The following VIPR2 variants were observed in gnomAD, a reference collection of about 807,000 sequenced individuals.
VIPR2 encodes vasoactive intestinal polypeptide receptor 2.
A neutral mutation model predicts 58.0 loss-of-function variants in VIPR2; 48 were observed. The observed-to-expected ratio is 0.83, with a 90% CI of 0.66 to 1.05. The LOEUF is 1.05. VIPR2 is among the 50% of genes least tolerant of loss of function. The pLI is 0.00. For synonymous variants in VIPR2, 243 were observed against 235.2 expected, an observed-to-expected ratio of 1.03 and a Z score of -0.30; for missense variants, 534 against 558.0, an observed-to-expected ratio of 0.96 and a Z score of 0.43.
intron 4 of VIPR2, among the ~76,000 whole-genome samples, chr7:159,063,304 C>A (rs567471021): frequency 6.6e-6 from 1 of 152,100 alleles, no homozygotes; most frequent in East Asian, 1.9e-4. Flanking sequence ...GCTGAGGCCC[C>A]GCGAGAATTC....
At chr7:159,063,212 C>A (rs187964173) in intron 4 of VIPR2, among the ~76,000 whole-genome samples, 2 of 152,050 alleles carry the variant, frequency 1.3e-5, no homozygotes, top group African/African-American at 4.8e-5. Context: ...GGAGGCTAGA[C>A]GGTGCAGGAG....
intron 4 of VIPR2, among the ~76,000 whole-genome samples, chr7:159,077,225 G>T (rs576313346): frequency 6.6e-6 from 1 of 152,220 alleles, no homozygotes; most frequent in South Asian, 2.1e-4. Context: ...GTTGTGTTCT[G>T]GTAGAAAACT....
intron 5 of VIPR2, among the ~76,000 whole-genome samples, chr7:159,050,890 A>T (rs1374152988): frequency 6.6e-6 from 1 of 152,252 alleles, no homozygotes; most frequent in Non-Finnish European, 1.5e-5. Context: ...GAAAAAAGAC[A>T]CACTGCCTCA....
chr7:159,062,070 G>T (rs182907763), intron 4 of VIPR2, among the ~76,000 whole-genome samples: 1 of 152,214 alleles, frequency 6.6e-6, no homozygotes, highest in Non-Finnish European at 1.5e-5. Context: ...GTCTTCAGGC[G>T]GCGGTGTGGC....
intron 2 of VIPR2, among the ~76,000 whole-genome samples, chr7:159,111,677 C>T (rs1357011090): frequency 3.2e-5 from 4 of 124,496 alleles, no homozygotes; most frequent in African/African-American, 8.2e-5. Flanking sequence ...AAGATTCCGT[C>T]TCAAAAAAAA....
At chr7:159,109,379 G>A (rs886762897) in intron 3 of VIPR2, among the ~76,000 whole-genome samples, 1 of 152,148 alleles carries the variant, frequency 6.6e-6, no homozygotes, top group African/African-American at 2.4e-5. Context: ...GATAAACTAG[G>A]TGTGTCCTGG....
Position 159,109,803 on chromosome 7 carries a change from G to A in VIPR2, c.259+9C>T, listed in dbSNP as rs781287282. The A allele has an allele frequency of 5.0e-6, 8 of 1,613,710 alleles. No individual in the cohort carries two copies. Among genetic ancestry groups the A allele is most frequent in the African/African-American group, 1.3e-5 (1 of 75,042 alleles). ...GGAGGAGCTCAGGAACTCAACCGACGGACAGTACCTGCTTTGCTGTAAAAA... is the reference window on the plus strand; with the variant it reads ...GGAGGAGCTCAGGAACTCAACCGACAGACAGTACCTGCTTTGCTGTAAAAA... On this transcript the variant is annotated intron_variant, in intron 3 of 12. Coordinates refer to ENST00000262178, the MANE Select transcript of VIPR2 (RefSeq NM_003382.5).
chr7:159,119,190 G>C (rs948708385), intron 2 of VIPR2, among the ~76,000 whole-genome samples: 15 of 152,196 alleles, frequency 9.9e-5, no homozygotes, highest in Non-Finnish European at 1.9e-4. Context: ...AGCTCCCCGG[G>C]TGGACACAGG....
rs373841775 is a variant in VIPR2 at position 159,093,804 on chromosome 7, C to T, written c.357+9953G>A. ...CCCTGGGTCCGGACAGGGGAGAGGC[C>T]CTGCAGCGTCCCTGGGTCCGGACAT... On this transcript the variant is annotated intron_variant, in intron 4 of 12. Transcript: ENST00000262178. This position sits in a 1 kb window ranked among gnomAD's most constrained non-coding sequence, Gnocchi z 6.7. Among the ~76,000 whole-genome samples, 2 of 150,748 alleles carry T rather than the reference C, an allele frequency of 1.3e-5. No individual in the cohort carries two copies. The highest frequency in any genetic ancestry group is 5.0e-5 in the African/African-American group (2 of 40,256).
intron 2 of VIPR2, among the ~76,000 whole-genome samples, chr7:159,130,122 G>C (rs1014566427): frequency 1.3e-5 from 2 of 152,220 alleles, no homozygotes; most frequent in Non-Finnish European, 2.9e-5. Flanking sequence ...ATAACAGTGA[G>C]AAAATGATGG....
chr7:159,125,558 C>T (rs1241214378), intron 2 of VIPR2, among the ~76,000 whole-genome samples: 3 of 152,200 alleles, frequency 2.0e-5, no homozygotes, highest in African/African-American at 4.8e-5. Flanking sequence ...CTTAGTTCAC[C>T]AGAAAATTCT....
chr7:159,086,823 AATAAACATG>A (rs1857201641), intron 4 of VIPR2, among the ~76,000 whole-genome samples: 1 of 152,250 alleles, frequency 6.6e-6, no homozygotes. Flanking sequence ...ATACCCATGT[AATAAACATG>A]GAAGTGACAC....
At chr7:159,123,032 C>T (rs1018936294) in intron 2 of VIPR2, among the ~76,000 whole-genome samples, 4 of 152,108 alleles carry the variant, frequency 2.6e-5, no homozygotes, top group Non-Finnish European at 5.9e-5. Flanking sequence ...CAGTAGCTCA[C>T]GCTTGCAATC....
At chr7:159,100,027 A>T (rs1858111881) in intron 4 of VIPR2, among the ~76,000 whole-genome samples, 1 of 152,028 alleles carries the variant, frequency 6.6e-6, no homozygotes, top group Non-Finnish European at 1.5e-5. Flanking sequence ...CACTCAACTC[A>T]GTCTTCTCTC....
chr7:159,138,319 A>G (rs1797313126), intron 2 of VIPR2, among the ~76,000 whole-genome samples: 1 of 152,238 alleles, frequency 6.6e-6, no homozygotes, highest in African/African-American at 2.4e-5. Context: ...GTGATTAACC[A>G]TATCCCACAT....
chr7:159,129,344 C>A (rs540765676), intron 2 of VIPR2, among the ~76,000 whole-genome samples: 3 of 141,806 alleles, frequency 2.1e-5, no homozygotes, highest in Admixed American at 6.8e-5. Context: ...CTGGTGGGGA[C>A]AGGGCCAGGT....
chr7:159,102,836 G>C (rs979546150), intron 4 of VIPR2, among the ~76,000 whole-genome samples: 2 of 152,086 alleles, frequency 1.3e-5, no homozygotes, highest in Non-Finnish European at 2.9e-5. Flanking sequence ...ACTTCCCAGG[G>C]CTCCTTAGAG....
At position 159,103,769 on chromosome 7, in the gene VIPR2, C is replaced by G. The variant is rs1858445885; in HGVS notation, c.345G>C (p.Glu115Asp). Residue 115 changes from glutamate to aspartate, a missense_variant, in exon 4 of 13, where the codon GAG (glutamate) becomes GAC (aspartate). This residue lies in a region of VIPR2 where 224 missense variants were observed against 255.7 expected (regional missense o/e 0.88). Transcript: ENST00000262178. ...CGCAGGAGCCTACCTTGCTCTCATC[C>G]TCCGGGTCGCTGTAGCCACAGGCAT... ...FVDACGYSDP[E>D]DESKITFYIL... The G allele has an allele frequency of 6.2e-7, 1 of 1,614,002 alleles. No homozygotes were observed. Among genetic ancestry groups the G allele is most frequent in the African/African-American group, 1.3e-5 (1 of 74,924 alleles).
chr7:159,089,778 G>T (rs1857359188), intron 4 of VIPR2, among the ~76,000 whole-genome samples: 1 of 152,200 alleles, frequency 6.6e-6, no homozygotes, highest in African/African-American at 2.4e-5. Context: ...ATACCTCACT[G>T]GCTGTACACT....
Sources: allele counts gnomAD v4.1 joint callset (sites outside exome capture counted in the v4.1 genomes callset), GRCh38; gene constraint gnomAD v4.1.1; regional missense constraint gnomAD v4.1.1; non-coding constraint Gnocchi (gnomAD v3.1); transcripts MANE v1.5; gene names NCBI Gene and HGNC (gene_info 2026-07-23, HGNC 2026-07-21).